FRMD5: variants seen among roughly 807,000 people sequenced by gnomAD.
FRMD5 encodes the protein FERM domain containing 5, also known as FERM domain-containing protein 5.
Under a neutral mutation model 69.0 loss-of-function variants are expected in FRMD5, and 20 were observed. The observed-to-expected ratio is 0.29, with a 90% CI of 0.20 to 0.42. FRMD5 has a LOEUF of 0.42. Among genes scored for constraint, FRMD5 ranks in the 10% least tolerant of loss-of-function variants. FRMD5 has a pLI of 1.00. For synonymous variants in FRMD5, 271 were observed against 260.1 expected, an observed-to-expected ratio of 1.04 and a Z score of -0.40; for missense variants, 595 against 708.6, an observed-to-expected ratio of 0.84 and a Z score of 1.82.
chr15:44,199,085 T>A (rs951441985), upstream of FRMD5, among the ~76,000 whole-genome samples: 1 of 152,184 alleles, frequency 6.6e-6, no homozygotes. Flanking sequence ...GACACTGGTC[T>A]CTCTCTTTAG....
At chr15:43,916,775 T>C (rs528167559) in intron 4 of FRMD5, among the ~76,000 whole-genome samples, 1 of 145,760 alleles carries the variant, frequency 6.9e-6, no homozygotes, top group Admixed American at 6.8e-5. Flanking sequence ...ATTTACAAAA[T>C]TGTATTTTTT....
intron 6 of FRMD5, among the ~76,000 whole-genome samples, chr15:43,904,192 G>A (rs1369705335): frequency 2.0e-5 from 3 of 152,246 alleles, no homozygotes; most frequent in African/African-American, 7.2e-5. Context: ...TTGAGTGAAG[G>A]GTTTCTGGGG....
chr15:43,931,215 T>C (rs2089668748), intron 1 of FRMD5, among the ~76,000 whole-genome samples: 2 of 152,226 alleles, frequency 1.3e-5, no homozygotes, highest in Non-Finnish European at 2.9e-5. Context: ...CATCTTGCTA[T>C]TGATTGAATA....
At chr15:44,069,883 A>C (rs770468515) in intron 1 of FRMD5, among the ~76,000 whole-genome samples, 21 of 152,188 alleles carry the variant, frequency 1.4e-4, no homozygotes, top group Admixed American at 3.3e-4. Context: ...ATCTCAGTTT[A>C]ATTTTTAAAA....
Position 43,870,831 on chromosome 15 carries a change from A to G in FRMD5, c.*3054T>C, listed in dbSNP as rs2088143198. ...GCACCAATGATTTTATGCTAACTAC[A>G]TACTGCATATGTAGAAAAAAGTACA... is the stretch of plus-strand genomic sequence containing the variant. On this transcript the variant is annotated 3_prime_UTR_variant, in exon 14 of 14. Transcript: ENST00000417257. 1 of 152,210 alleles carries G rather than the reference A, an allele frequency of 6.6e-6. No homozygotes were observed. The highest frequency in any genetic ancestry group is 2.4e-5 in the African/African-American group (1 of 41,444). 9.4% of individuals were successfully genotyped at this position (152,210 alleles called of 1,614,324 possible).
At chr15:44,059,678 A>AT (rs901906869) in intron 1 of FRMD5, among the ~76,000 whole-genome samples, 33 of 148,674 alleles carry the variant, frequency 2.2e-4, no homozygotes, top group South Asian at 8.6e-4. Flanking sequence ...CGCCCAGCTA[A>AT]TTTTTTTTTT....
intron 1 of FRMD5, among the ~76,000 whole-genome samples, chr15:44,067,895 C>T (rs576585916): frequency 9.9e-5 from 15 of 152,028 alleles, no homozygotes; most frequent in Non-Finnish European, 2.2e-4. Flanking sequence ...AATGAAAAAC[C>T]AAATAATGCA....
intron 1 of FRMD5, among the ~76,000 whole-genome samples, chr15:44,113,167 G>A (rs145204061): frequency 2.0e-4 from 31 of 152,272 alleles, no homozygotes; most frequent in African/African-American, 7.5e-4. Flanking sequence ...CTCTTGACAA[G>A]CTCTATGCCA....
At chr15:43,876,696 C>A (rs1224051199) in intron 13 of FRMD5, among the ~76,000 whole-genome samples, 1 of 152,184 alleles carries the variant, frequency 6.6e-6, no homozygotes, top group African/African-American at 2.4e-5. Flanking sequence ...TCTAGCTGTT[C>A]TGACTTTGTG....
At chr15:44,135,425 T>C (rs1036272441) in intron 1 of FRMD5, among the ~76,000 whole-genome samples, 13 of 152,212 alleles carry the variant, frequency 8.5e-5, no homozygotes, top group African/African-American at 3.1e-4. Context: ...GCATACCTGA[T>C]TTTTCAGTTA....
At chr15:44,082,325 C>T (rs1270158242) in intron 1 of FRMD5, among the ~76,000 whole-genome samples, 1 of 151,944 alleles carries the variant, frequency 6.6e-6, no homozygotes, top group Admixed American at 6.6e-5. Flanking sequence ...TAAATGTATT[C>T]TCAAATGACT....
At chr15:43,894,184 C>T (rs745623072) in intron 7 of FRMD5, among the ~76,000 whole-genome samples, 2 of 152,114 alleles carry the variant, frequency 1.3e-5, no homozygotes, top group Non-Finnish European at 2.9e-5. Context: ...TCAGGAGGCA[C>T]CAGGGCTAAT....
At chr15:44,022,587 A>AT (rs1891258178) in intron 1 of FRMD5, among the ~76,000 whole-genome samples, 1 of 149,408 alleles carries the variant, frequency 6.7e-6, no homozygotes, top group Non-Finnish European at 1.5e-5. Context: ...TCCACCAGAA[A>AT]AAAAAAAAAA....
At chr15:43,905,203 C>T (rs2089142371) in intron 6 of FRMD5, among the ~76,000 whole-genome samples, 1 of 150,936 alleles carries the variant, frequency 6.6e-6, no homozygotes, top group African/African-American at 2.5e-5. Context: ...ATGGCGCAAC[C>T]TCAGCTCACT....
intron 2 of FRMD5, among the ~76,000 whole-genome samples, chr15:43,923,237 T>C (rs972615855): frequency 2.6e-5 from 4 of 152,224 alleles, no homozygotes; most frequent in Non-Finnish European, 5.9e-5. Context: ...CCTGTGCTAG[T>C]TAAATGGGAG....
At chr15:43,908,315 C>G (rs1192846148) in intron 5 of FRMD5, among the ~76,000 whole-genome samples, 1 of 123,926 alleles carries the variant, frequency 8.1e-6, no homozygotes, top group African/African-American at 2.9e-5. Context: ...GGGACAGAGC[C>G]AGATCCTGTC....
At chr15:43,976,513 G>T (rs78735736) in intron 1 of FRMD5, among the ~76,000 whole-genome samples, 3,709 of 152,260 alleles carry the variant, frequency 0.024, 79 homozygotes, top group East Asian at 0.067. Flanking sequence ...ATATATGGAT[G>T]GTGTTAGGAA....
intron 1 of FRMD5, among the ~76,000 whole-genome samples, chr15:44,133,343 G>A (rs1325616078): frequency 1.3e-5 from 2 of 151,850 alleles, no homozygotes; most frequent in Admixed American, 6.5e-5. Flanking sequence ...TTGGGAGGCC[G>A]AGGCAGGCAG....
intron 1 of FRMD5, among the ~76,000 whole-genome samples, chr15:44,027,639 GTTTTTTTTTTT>G (rs1891488164): frequency 7.4e-5 from 2 of 27,050 alleles, no homozygotes; most frequent in East Asian, 1.1e-3. Context: ...TTCTTTTCTA[GTTTTTTTTTTT>G]GTTTTTTTTT....
Sources: gnomAD v4.1 joint callset for allele counts (sites outside exome capture counted in the v4.1 genomes callset) on GRCh38, gnomAD v4.1.1 for gene constraint, MANE v1.5 for transcripts, NCBI Gene and HGNC (gene_info 2026-07-23, HGNC 2026-07-21) for gene names.